The following DLGAP1 variants were observed in gnomAD, a reference collection of about 807,000 sequenced individuals.
DLGAP1 encodes the protein DLG associated protein 1, also known as disks large-associated protein 1.
Under a neutral mutation model 90.8 loss-of-function variants are expected in DLGAP1, and 11 were observed. The observed-to-expected ratio is 0.12, with a 90% CI of 0.08 to 0.20. The LOEUF (loss-of-function observed/expected upper bound fraction) is 0.20, where lower values mean the gene tolerates loss of function less well. Among genes scored for constraint, DLGAP1 ranks in the 10% least tolerant of loss-of-function variants. The pLI is 1.00. For missense variants in DLGAP1, 1,050 were observed against 1,333.8 expected, an observed-to-expected ratio of 0.79 and a Z score of 3.31; for synonymous variants, 558 against 540.7, an observed-to-expected ratio of 1.03 and a Z score of -0.44.
intron 5 of DLGAP1, among the ~76,000 whole-genome samples, chr18:3,810,339 C>T (rs762554273): frequency 6.6e-6 from 1 of 152,064 alleles, no homozygotes; most frequent in Non-Finnish European, 1.5e-5. Context: ...CCTCAAGATG[C>T]CTTCGGAAAA....
At chr18:3,797,688 T>G (rs545779975) in intron 5 of DLGAP1, among the ~76,000 whole-genome samples, 1 of 151,998 alleles carries the variant, frequency 6.6e-6, no homozygotes, top group African/African-American at 2.4e-5. Context: ...CTACACATAG[T>G]GTTGGAAGAG....
intron 1 of DLGAP1, among the ~76,000 whole-genome samples, chr18:4,240,109 G>A (rs1263414968): frequency 6.6e-6 from 1 of 152,142 alleles, no homozygotes; most frequent in Non-Finnish European, 1.5e-5. Flanking sequence ...TTACTGAAAT[G>A]CAAACTGGTT....
At chr18:3,580,688 G>A (rs2055444482) in intron 8 of DLGAP1, 1 of 1,612,814 alleles carries the variant, frequency 6.2e-7, no homozygotes, top group Non-Finnish European at 8.5e-7. Flanking sequence ...GGACGACGGT[G>A]GCCACAATGA....
At chr18:4,216,888 A>G (rs2144934202) in intron 1 of DLGAP1, among the ~76,000 whole-genome samples, 1 of 152,230 alleles carries the variant, frequency 6.6e-6, no homozygotes, top group East Asian at 1.9e-4. Context: ...ATTATTATTA[A>G]CCGAAGTCCA....
chr18:4,046,621 G>C (rs1161948766), intron 2 of DLGAP1, among the ~76,000 whole-genome samples: 1 of 152,182 alleles, frequency 6.6e-6, no homozygotes, highest in Non-Finnish European at 1.5e-5. Context: ...ATCTCCTTAG[G>C]TCTCTGGCTA....
At chr18:3,898,536 T>C (rs1055955716) in intron 3 of DLGAP1, among the ~76,000 whole-genome samples, 3 of 152,218 alleles carry the variant, frequency 2.0e-5, no homozygotes, top group Non-Finnish European at 4.4e-5. Context: ...ATGACAAATG[T>C]TACCTTTTGT....
At chr18:3,629,188 T>C (rs2146151396) in intron 7 of DLGAP1, among the ~76,000 whole-genome samples, 1 of 152,202 alleles carries the variant, frequency 6.6e-6, no homozygotes, top group African/African-American at 2.4e-5. Flanking sequence ...TCCCAGCACT[T>C]TGGGAGGCCA....
chr18:3,614,791 G>A (rs2057782166), intron 7 of DLGAP1, among the ~76,000 whole-genome samples: 2 of 148,222 alleles, frequency 1.3e-5, no homozygotes, highest in African/African-American at 2.5e-5. Context: ...AGATGTTGCC[G>A]TAAGTCGAGA....
At chr18:3,586,064 T>C (rs2055866428) in intron 7 of DLGAP1, among the ~76,000 whole-genome samples, 1 of 152,170 alleles carries the variant, frequency 6.6e-6, no homozygotes, top group Non-Finnish European at 1.5e-5. Flanking sequence ...TCTGGATACC[T>C]TGCTCAACAG....
At chr18:3,535,854 T>C (rs923552044) in intron 9 of DLGAP1, among the ~76,000 whole-genome samples, 1 of 151,376 alleles carries the variant, frequency 6.6e-6, no homozygotes, top group African/African-American at 2.4e-5. Context: ...CAACATGGAA[T>C]AATCCCGTCT....
intron 1 of DLGAP1, among the ~76,000 whole-genome samples, chr18:4,236,851 C>T (rs1259906036): frequency 6.6e-6 from 1 of 152,054 alleles, no homozygotes; most frequent in Non-Finnish European, 1.5e-5. Flanking sequence ...ATTCTTATTC[C>T]TTCATTTTAA....
In DLGAP1 at chr18:3,567,525, G is replaced by C; in HGVS notation, c.2022C>G (p.Phe674Leu). Residue 674 changes from phenylalanine to leucine, a missense_variant, in exon 9 of 13, where the codon TTC (phenylalanine) becomes TTG (leucine). Phe to Leu is a conservative substitution (Grantham distance 22). This residue lies in a region of DLGAP1 where 565 missense variants were observed against 879.7 expected (regional missense o/e 0.64). Coordinates refer to ENST00000315677, the MANE Select transcript of DLGAP1 (RefSeq NM_004746.4). ...KTGENKAPSK[F>L]QSVGVQVEEE... Reference sequence around the variant, plus strand: ...CTTCTACTTGCACTCCCACGGACTGGAACTTACTGGGTGCTTTATTCTCCC... The same window carrying C: ...CTTCTACTTGCACTCCCACGGACTGCAACTTACTGGGTGCTTTATTCTCCC... 1 of 1,614,002 alleles carries C rather than the reference G, an allele frequency of 6.2e-7. No homozygotes were observed. The highest frequency in any genetic ancestry group is 8.5e-7 in the Non-Finnish European group (1 of 1,179,968).
chr18:3,783,665 TG>T lies in DLGAP1; in HGVS notation c.1172+30393del, dbSNP rs143945538. Among the ~76,000 whole-genome samples the T allele has an allele frequency of 2.2e-3, 329 of 152,266 alleles. 7 individuals carry two copies. In the East Asian group the frequency reaches 0.048, roughly 22 times the overall value. ...GACTACCAATAGGCATGGGGATTTG[TG>T]GGTGCTGAAAATGTTCTAAAATTGA... On this transcript the variant is annotated intron_variant, in intron 5 of 12. Transcript: ENST00000315677.
intron 1 of DLGAP1, among the ~76,000 whole-genome samples, chr18:4,368,410 A>C (rs1414707763): frequency 6.6e-6 from 1 of 152,122 alleles, no homozygotes; most frequent in Non-Finnish European, 1.5e-5. Flanking sequence ...AGTAAAGCAG[A>C]TTACTCTCTA....
At chr18:4,042,519 C>A (rs980923032) in intron 2 of DLGAP1, among the ~76,000 whole-genome samples, 1 of 152,176 alleles carries the variant, frequency 6.6e-6, no homozygotes, top group Non-Finnish European at 1.5e-5. Flanking sequence ...CTGCCGATCA[C>A]CTGATGTCAG....
intron 2 of DLGAP1, among the ~76,000 whole-genome samples, chr18:4,103,310 G>A (rs1412895381): frequency 6.6e-6 from 1 of 152,046 alleles, no homozygotes; most frequent in Non-Finnish European, 1.5e-5. Context: ...ATTTTTCTGT[G>A]TACTCAGGGC....
chr18:3,796,232 A>G (rs1666389783), intron 5 of DLGAP1, among the ~76,000 whole-genome samples: 1 of 152,166 alleles, frequency 6.6e-6, no homozygotes, highest in Admixed American at 6.5e-5. Context: ...TTGTCCTGGG[A>G]AATCTTCCAT....
intron 4 of DLGAP1, among the ~76,000 whole-genome samples, chr18:3,841,119 C>T (rs1421415370): frequency 2.0e-5 from 3 of 152,154 alleles, no homozygotes; most frequent in Non-Finnish European, 4.4e-5. Flanking sequence ...CCAGTGGAAG[C>T]CCCCCTAAGT....
intron 2 of DLGAP1, among the ~76,000 whole-genome samples, chr18:4,119,054 C>T (rs1462776938): frequency 6.6e-6 from 1 of 152,026 alleles, no homozygotes; most frequent in Non-Finnish European, 1.5e-5. Context: ...TCTATTACTT[C>T]TCTATATGTT....
Sources: allele counts gnomAD v4.1 joint callset (sites outside exome capture counted in the v4.1 genomes callset), GRCh38; gene constraint gnomAD v4.1.1; regional missense constraint gnomAD v4.1.1; transcripts MANE v1.5; gene names NCBI Gene and HGNC (gene_info 2026-07-23, HGNC 2026-07-21).